PLOD2: variants seen among roughly 807,000 people sequenced by gnomAD.
The protein encoded by PLOD2 is lysine hydroxylase 2.
A neutral mutation model predicts 101.0 loss-of-function variants in PLOD2; 65 were observed. The ratio of observed to expected loss-of-function variants is 0.64; its 90% CI spans 0.53 to 0.79. The LOEUF is 0.79. Ranked by LOEUF, PLOD2 falls within the 30% of genes least tolerant of loss-of-function variation. The probability of loss-of-function intolerance (pLI) is 0.00; values close to 1 mark genes in which losing one functional copy is unlikely to be tolerated. For synonymous variants in PLOD2, 314 were observed against 302.9 expected (o/e 1.04, Z -0.38); for missense variants, 909 against 914.6 (o/e 0.99, Z 0.08).
At position 146,073,298 on chromosome 3, in the gene PLOD2, T is replaced by C. The variant is rs558336915; in HGVS notation, c.1732A>G (p.Ile578Val). 200 of 1,230,796 alleles carry C rather than the reference T, an allele frequency of 1.6e-4. 1 individual carries two copies. The Middle Eastern group carries it at 2.1e-3, about 13-fold the overall frequency. 76.2% of individuals were successfully genotyped at this position (1,230,796 alleles called of 1,614,324 possible). ...RDYSKIFTEN[I>V]VEQPCPDVFW... ...TCATTAATACAAACCTGTTCAACTA[T>C]ATTTTCAGTGAAAATCTTTGAATAA... The change falls in exon 16 of 20, where the codon ATA becomes GTA. Residue 578 changes from isoleucine to valine, a missense_variant. Physicochemically the swap from Ile to Val is conservative, Grantham distance 29. Transcript: ENST00000282903.
intron 3 of PLOD2, among the ~76,000 whole-genome samples, chr3:146,117,614 T>C (rs1937971476): frequency 6.6e-6 from 1 of 152,032 alleles, no homozygotes; most frequent in Non-Finnish European, 1.5e-5. Flanking sequence ...ATGCAGAAAA[T>C]GTTAATGACT....
chr3:146,080,793 C>T (rs748858456), intron 12 of PLOD2, among the ~76,000 whole-genome samples: 5 of 152,086 alleles, frequency 3.3e-5, no homozygotes, highest in African/African-American at 7.2e-5. Flanking sequence ...CAACAGAATA[C>T]GATCTTAATA....
chr3:146,144,721 A>G (rs1043482700), intron 1 of PLOD2, among the ~76,000 whole-genome samples: 2 of 152,108 alleles, frequency 1.3e-5, no homozygotes, highest in Admixed American at 6.6e-5. Flanking sequence ...CTTGAAGAAT[A>G]TTCAATGCCA....
intron 13 of PLOD2, among the ~76,000 whole-genome samples, chr3:146,078,203 G>A (rs374914625): frequency 1.3e-5 from 2 of 151,652 alleles, no homozygotes; most frequent in African/African-American, 4.8e-5. Context: ...ATAAGACAAC[G>A]GAAAAAATGA....
At chr3:146,125,103 G>C (rs1192889858) in intron 1 of PLOD2, among the ~76,000 whole-genome samples, 1 of 151,788 alleles carries the variant, frequency 6.6e-6, no homozygotes, top group Non-Finnish European at 1.5e-5. Flanking sequence ...TTTAACTGAA[G>C]ATTTAGAAGG....
chr3:146,143,010 C>T (rs182383056), intron 1 of PLOD2, among the ~76,000 whole-genome samples: 1 of 152,196 alleles, frequency 6.6e-6, no homozygotes, highest in East Asian at 1.9e-4. Flanking sequence ...AGCAGCTCTG[C>T]TATTTTTCAA....
At chr3:146,121,489 T>C (rs999567706) in intron 2 of PLOD2, among the ~76,000 whole-genome samples, 4 of 152,148 alleles carry the variant, frequency 2.6e-5, no homozygotes, top group African/African-American at 9.7e-5. Flanking sequence ...GTGAGTCTAA[T>C]CCAAGGAAGT....
chr3:146,142,768 A>G (rs2031582187), intron 1 of PLOD2, among the ~76,000 whole-genome samples: 1 of 152,138 alleles, frequency 6.6e-6, no homozygotes, highest in African/African-American at 2.4e-5. Context: ...CATTCAAAAT[A>G]AAGCTTTGTA....
intron 12 of PLOD2, among the ~76,000 whole-genome samples, chr3:146,080,293 G>A (rs2108008321): frequency 6.7e-6 from 1 of 150,156 alleles, no homozygotes; most frequent in South Asian, 2.1e-4. Flanking sequence ...AGTACAGTAA[G>A]ACTAACAACA....
intron 5 of PLOD2, 88 bp downstream of exon 5, chr3:146,106,444 C>T (rs1462360525): frequency 1.2e-5 from 9 of 769,590 alleles, no homozygotes; most frequent in Non-Finnish European, 1.9e-5. Flanking sequence ...TATCATAAAA[C>T]CTTTGTTTCT....
At chr3:146,135,201 A>G (rs2669396) in intron 1 of PLOD2, among the ~76,000 whole-genome samples, 77,911 of 151,952 alleles carry the variant, frequency 0.51, 20,132 homozygotes, top group African/African-American at 0.58. Flanking sequence ...AAAGTTTTAT[A>G]GCATCAGTTT....
chr3:146,143,282 T>A (rs2031615739), intron 1 of PLOD2, among the ~76,000 whole-genome samples: 1 of 145,836 alleles, frequency 6.9e-6, no homozygotes, highest in African/African-American at 2.5e-5. Flanking sequence ...GTTTACAATC[T>A]ATGTAAACAT....
intron 1 of PLOD2, among the ~76,000 whole-genome samples, chr3:146,129,428 A>G (rs1367258027): frequency 6.6e-5 from 10 of 152,216 alleles, no homozygotes; most frequent in Admixed American, 6.5e-5. Context: ...ATAGTTGGCC[A>G]TATGGATCTG....
intron 1 of PLOD2, among the ~76,000 whole-genome samples, chr3:146,137,667 T>C (rs2031309799): frequency 6.6e-6 from 1 of 152,184 alleles, no homozygotes; most frequent in Non-Finnish European, 1.5e-5. Flanking sequence ...AATACTTGTA[T>C]AAACAAGAGA....
chr3:146,124,933 CTTCTT>C (rs2030463528), intron 1 of PLOD2, among the ~76,000 whole-genome samples: 1 of 152,080 alleles, frequency 6.6e-6, no homozygotes. Context: ...CAACATAACA[CTTCTT>C]TTTAGTAAAA....
rs113500470 is a variant in PLOD2 at position 146,102,919 on chromosome 3, G to A, written c.680-67C>T. The A allele has an allele frequency of 4.1e-3, 3,371 of 824,244 alleles. 74 individuals are homozygous for A. The African/African-American group carries it at 0.048, about 12-fold the overall frequency. The allele number at this position is 824,244 out of a possible 1,614,324, so 51.1% of individuals were successfully genotyped here. The stretch of plus-strand genomic sequence containing the variant: ...CGTGTGTGTGTGTCTGTATTCGTGT[G>A]TCTGTGTGTGTATGTGTGTGTATCA... On this transcript the variant is annotated intron_variant, in intron 6 of 19. Transcript: ENST00000282903.
Position 146,069,920 on chromosome 3 carries a change from C to A in PLOD2, c.*797G>T, listed in dbSNP as rs1375209018. ...AAAAAAGGAAACAAAGCAAAAACAA[C>A]AACAAAAAAAACCTGTTTGACTTAA... On this transcript the variant is annotated 3_prime_UTR_variant, in exon 20 of 20. Transcript: ENST00000282903. 6.6e-6 allele frequency: 1 copy of A among 152,084 alleles called. No individual in the cohort carries two copies. Among genetic ancestry groups the A allele is most frequent in the African/African-American group, 2.4e-5 (1 of 41,388 alleles). The allele number at this position is 152,084 out of a possible 1,614,324, so 9.4% of individuals were successfully genotyped here.
At chr3:146,074,001 T>G (rs1414441749) in intron 15 of PLOD2, among the ~76,000 whole-genome samples, 5 of 151,578 alleles carry the variant, frequency 3.3e-5, no homozygotes, top group Admixed American at 2.0e-4. Flanking sequence ...TTACTAGCAC[T>G]TGCACTTCTT....
chr3:146,150,541 C>T (rs187845139), intron 1 of PLOD2, among the ~76,000 whole-genome samples: 10 of 152,138 alleles, frequency 6.6e-5, no homozygotes, highest in African/African-American at 2.4e-4. Flanking sequence ...CTCATAAACA[C>T]AAAGAAAGGA....
Sources: gnomAD v4.1 joint callset for allele counts (sites outside exome capture counted in the v4.1 genomes callset) on GRCh38, gnomAD v4.1.1 for gene constraint, MANE v1.5 for transcripts, NCBI Gene and HGNC (gene_info 2026-07-23, HGNC 2026-07-21) for gene names.